The following TMEM254 variants were observed in gnomAD, a reference collection of about 807,000 sequenced individuals.
The protein encoded by TMEM254 is transmembrane protein C10orf57.
Under a neutral mutation model 13.9 loss-of-function variants are expected in TMEM254, and 16 were observed. The ratio of observed to expected loss-of-function variants is 1.15; its 90% CI spans 0.78 to 1.75. TMEM254 has a LOEUF of 1.75. TMEM254 is among the 40% of genes most tolerant of loss of function. The pLI, the probability that TMEM254 is intolerant of heterozygous loss-of-function variation, is 0.00. For missense variants in TMEM254, 155 were observed against 149.0 expected (o/e 1.04, Z -0.21); for synonymous variants, 61 against 56.4 (o/e 1.08, Z -0.36).
At chr10:80,086,543 C>T (rs1315920358) in intron 3 of TMEM254, 2 of 203,018 alleles carry the variant, frequency 9.9e-6, no homozygotes, top group African/African-American at 4.6e-5. Context: ...AAAAACTCAG[C>T]TAATAAAATT....
intron 3 of TMEM254, chr10:80,090,514 C>A: frequency 1.4e-6 from 1 of 706,092 alleles, no homozygotes; most frequent in South Asian, 1.5e-5. Context: ...TTACTCCATC[C>A]GCTCATCAGA....
chr10:80,081,886 C>T lies in TMEM254; in HGVS notation c.133C>T (p.Pro45Ser), dbSNP rs1844051030. ...PQSIPYQNLG[P>S]LGPFTQYLVD... ...GAGTATCCCTTATCAGAACCTTGGGCCCCTGGGCCCCTTCACTCAGTACTT... is the reference window on the plus strand; with the variant it reads ...GAGTATCCCTTATCAGAACCTTGGGTCCCTGGGCCCCTTCACTCAGTACTT... The change falls in exon 2 of 4, where the codon CCC becomes TCC. Residue 45 changes from proline (P) to serine (S), a missense_variant. By Grantham distance (74) the Pro-to-Ser change is moderately conservative. Transcript: ENST00000372281. The T allele has an allele frequency of 1.2e-6, 2 of 1,614,206 alleles. No individual in the cohort carries two copies. The highest frequency in any genetic ancestry group is 1.7e-5 in the Admixed American group (1 of 60,024).
At chr10:80,078,884 T>C (rs1443897273) in intron 1 of TMEM254, 98 bp downstream of exon 1, 3 of 1,532,106 alleles carry the variant, frequency 2.0e-6, no homozygotes, top group South Asian at 1.2e-5. Context: ...GGGGAAGTCG[T>C]GCAAGCACAA....
Position 80,081,930 on chromosome 10 carries a change from C to T in TMEM254, c.177C>T (p.Thr59=). 1 of 1,614,040 alleles carries T rather than the reference C, an allele frequency of 6.2e-7. No homozygotes were observed. Among genetic ancestry groups the T allele is most frequent in the South Asian group, 1.1e-5 (1 of 91,074 alleles). ...FTQYLVDHHH[T]LLCNGYWLAW... is the part of the protein sequence containing the mutation. The stretch of plus-strand genomic sequence containing the variant: ...AGTACTTGGTGGACCACCATCACAC[C>T]CTCCTGTGCAATGGGTAAGGAGAGC... Residue 59 remains threonine, a synonymous_variant, in exon 2 of 4, where the codon ACC becomes ACT. Coordinates refer to ENST00000372281, the MANE Select transcript of TMEM254 (RefSeq NM_025125.4).
At position 80,091,107 on chromosome 10, in the gene TMEM254, GTTAC is replaced by G. The variant is rs1394478937; in HGVS notation, c.*194_*197del. ...CTGGTTGAGCTTGAATAGACCAGTT[GTTAC>G]TTAAGAAAGAAACAGAGAAAGATTT... On this transcript the variant is annotated 3_prime_UTR_variant, in exon 4 of 4. Transcript: ENST00000372281. 3.5e-6 allele frequency: 2 copies of G among 574,678 alleles called. No individual in the cohort carries two copies. Among genetic ancestry groups the G allele is most frequent in the Non-Finnish European group, 5.7e-6 (2 of 353,564 alleles). 35.6% of individuals were successfully genotyped at this position (574,678 alleles called of 1,614,324 possible). A position where few individuals can be genotyped will look rare whatever the true frequency, so the allele number is the denominator to read the frequency against.
chr10:80,082,681 A>G (rs1405980807), intron 3 of TMEM254, among the ~76,000 whole-genome samples: 1 of 152,216 alleles, frequency 6.6e-6, no homozygotes, highest in East Asian at 1.9e-4. Flanking sequence ...TCTTTTTAAA[A>G]GCTCCACAGA....
At position 80,088,636 on chromosome 10, in the gene TMEM254, T is replaced by A. The variant is rs113420373; in HGVS notation, c.252-2161T>A. Among the ~76,000 whole-genome samples the A allele has an allele frequency of 5.1e-3, 765 of 151,252 alleles. 9 individuals are homozygous for A. Among genetic ancestry groups the A allele is most frequent in the African/African-American group, 0.017 (688 of 41,340 alleles). ...GATGTTATTATAAATGACTTTTTTT[T>A]AAAAAAAGATGGAGGGTCTCCAGGA... On this transcript the variant is annotated intron_variant, in intron 3 of 3. Transcript: ENST00000372281.
At chr10:80,081,619 G>C (rs1171209957) in intron 1 of TMEM254, 1 of 1,446,268 alleles carries the variant, frequency 6.9e-7, no homozygotes, top group Non-Finnish European at 9.4e-7. Flanking sequence ...AGTGAGTCAT[G>C]ATCATGCCAC....
At chr10:80,086,345 G>A in intron 3 of TMEM254, 3 of 1,000,616 alleles carry the variant, frequency 3.0e-6, no homozygotes, top group Non-Finnish European at 4.1e-6. Context: ...TCTGAAGGAG[G>A]AGGAAACAAG....
At chr10:80,090,310 TTGTG>T (rs1458307159) in intron 3 of TMEM254, 4 of 711,792 alleles carry the variant, frequency 5.6e-6, no homozygotes, top group Non-Finnish European at 1.0e-5. Flanking sequence ...CCTGAGCATG[TTGTG>T]TGTATTATCC....
rs187154064 is a variant in TMEM254, at chr10:80,090,696, G to C, written c.252-101G>C. 5.4e-6 allele frequency: 6 copies of C among 1,103,142 alleles called. No homozygotes were observed. In the African/African-American group the frequency reaches 9.6e-5, roughly 18 times the overall value. 68.3% of individuals were successfully genotyped at this position (1,103,142 alleles called of 1,614,324 possible). On this transcript the variant is annotated intron_variant, in intron 3 of 3. Coordinates refer to ENST00000372281, the MANE Select transcript of TMEM254 (RefSeq NM_025125.4). The stretch of plus-strand genomic sequence containing the variant: ...CAGCAAAATAAACCCAATGAAAGTA[G>C]TGGAAGGTATAATTTAAAAAATATA...
At chr10:80,081,159 G>A (rs1843999547) in intron 1 of TMEM254, among the ~76,000 whole-genome samples, 1 of 152,190 alleles carries the variant, frequency 6.6e-6, no homozygotes, top group Non-Finnish European at 1.5e-5. Context: ...GCTGAGTTGG[G>A]AGGATCGCTT....
At chr10:80,082,096 A>T (rs529628949) in intron 2 of TMEM254, 49 bp from the exon 3 acceptor site, 2 of 1,604,742 alleles carry the variant, frequency 1.2e-6, no homozygotes, top group South Asian at 2.2e-5. Context: ...AGATTTCATC[A>T]GCAGATAACT....
chr10:80,087,397 C>A (rs1844366574), intron 3 of TMEM254, among the ~76,000 whole-genome samples: 1 of 151,510 alleles, frequency 6.6e-6, no homozygotes. Flanking sequence ...AATTCCAGCA[C>A]TTTGAGAGGC....
chr10:80,078,684 G>A lies in TMEM254; in HGVS notation c.-16G>A. ...GACGGTGTCCTGAAGCGCGCTCCCG[G>A]GGAGGTGTTGCAGCCATGGCTACGG... is the stretch of plus-strand genomic sequence containing the variant. On this transcript the variant is annotated 5_prime_UTR_variant, in exon 1 of 4. Coordinates refer to ENST00000372281, the MANE Select transcript of TMEM254 (RefSeq NM_025125.4). 3 of 1,588,840 alleles carry A rather than the reference G, an allele frequency of 1.9e-6. No homozygotes were observed. Among genetic ancestry groups the A allele is most frequent in the African/African-American group, 1.3e-5 (1 of 74,562 alleles).
At chr10:80,090,004 C>T (rs1209264949) in intron 3 of TMEM254, among the ~76,000 whole-genome samples, 1 of 85,218 alleles carries the variant, frequency 1.2e-5, no homozygotes, top group Non-Finnish European at 2.5e-5. Context: ...GACTCCATCT[C>T]AAAAAAAAAA....
intron 1 of TMEM254, chr10:80,079,377 C>T (rs1843844606): frequency 8.7e-7 from 1 of 1,152,468 alleles, no homozygotes; most frequent in African/African-American, 1.6e-5. Flanking sequence ...GGGTCCTCAC[C>T]TCTGCATGGT....
intron 1 of TMEM254, chr10:80,079,139 A>T (rs774293962): frequency 1.3e-5 from 17 of 1,278,658 alleles, no homozygotes. Context: ...GTCCAGCAAG[A>T]CCCTTGCCCT....
chr10:80,080,801 C>T (rs890693963), intron 1 of TMEM254, among the ~76,000 whole-genome samples: 1 of 151,770 alleles, frequency 6.6e-6, no homozygotes, highest in Non-Finnish European at 1.5e-5. Flanking sequence ...CAAAATTAGC[C>T]ATGGGCAGTG....
Sources: gnomAD v4.1 joint callset for allele counts (sites outside exome capture counted in the v4.1 genomes callset) on GRCh38, gnomAD v4.1.1 for gene constraint, MANE v1.5 for transcripts, NCBI Gene and HGNC (gene_info 2026-07-23, HGNC 2026-07-21) for gene names.